The following BCAR3 variants were observed in gnomAD, a reference collection of about 807,000 sequenced individuals.
BCAR3 encodes the protein breast cancer anti-estrogen resistance protein 3.
Under a neutral mutation model 80.1 loss-of-function variants are expected in BCAR3, and 37 were observed. That is an observed-to-expected ratio of 0.46 (90% CI 0.36 to 0.61). The LOEUF (loss-of-function observed/expected upper bound fraction) is 0.61. Among genes scored for constraint, BCAR3 ranks in the 20% least tolerant of loss-of-function variants. BCAR3 has a pLI of 0.00. For missense variants in BCAR3, 978 were observed against 1,068.2 expected (o/e 0.92, Z 1.18); for synonymous variants, 389 against 418.9 (o/e 0.93, Z 0.87).
At chr1:93,620,330 C>T (rs575709570) in intron 3 of BCAR3, among the ~76,000 whole-genome samples, 1 of 152,248 alleles carries the variant, frequency 6.6e-6, no homozygotes, top group African/African-American at 2.4e-5. Context: ...GTTTTAATCA[C>T]ACTTGCCCAG....
chr1:93,833,779 C>T (rs989830714), intron 2 of BCAR3, among the ~76,000 whole-genome samples: 1 of 152,168 alleles, frequency 6.6e-6, no homozygotes, highest in African/African-American at 2.4e-5. Context: ...TGTTCAAACA[C>T]ACATGCTTTA....
intron 2 of BCAR3, among the ~76,000 whole-genome samples, chr1:93,656,179 GT>G (rs1647368649): frequency 6.6e-6 from 1 of 152,066 alleles, no homozygotes; most frequent in African/African-American, 2.4e-5. Context: ...TGGTGGTCTA[GT>G]TTTATTGCAA....
At chr1:93,723,282 T>C (rs1650469844) in intron 2 of BCAR3, 1 of 152,234 alleles carries the variant, frequency 6.6e-6, no homozygotes. Context: ...CCTGTTGGCA[T>C]GGAGGCAAAC....
At chr1:93,683,267 CA>C (rs1648863555), upstream of BCAR3, among the ~76,000 whole-genome samples, 1 of 152,124 alleles carries the variant, frequency 6.6e-6, no homozygotes, top group Non-Finnish European at 1.5e-5. Flanking sequence ...TTAACCATCC[CA>C]AAAATGCAAA....
At chr1:93,725,510 G>A (rs1244264475) in intron 2 of BCAR3, among the ~76,000 whole-genome samples, 1 of 152,008 alleles carries the variant, frequency 6.6e-6, no homozygotes, top group Admixed American at 6.6e-5. Context: ...TTTCTGATTT[G>A]TAGAAATCTT....
At chr1:93,766,610 C>T (rs1369722280) in intron 2 of BCAR3, among the ~76,000 whole-genome samples, 2 of 152,262 alleles carry the variant, frequency 1.3e-5, no homozygotes, top group Admixed American at 6.5e-5. Context: ...AGCCTGAGCA[C>T]GGCTGCCCGT....
intron 3 of BCAR3, among the ~76,000 whole-genome samples, chr1:93,691,100 T>A (rs1383780526): frequency 6.6e-6 from 1 of 152,146 alleles, no homozygotes; most frequent in East Asian, 1.9e-4. Flanking sequence ...GCCTCAGGGA[T>A]TGCCCAAGGC....
intron 2 of BCAR3, among the ~76,000 whole-genome samples, chr1:93,657,008 T>C (rs1284097328): frequency 1.3e-5 from 2 of 152,208 alleles, no homozygotes; most frequent in African/African-American, 4.8e-5. Flanking sequence ...ATAACCTGAG[T>C]AGCATTCTGT....
intron 2 of BCAR3, among the ~76,000 whole-genome samples, chr1:93,670,922 G>A (rs984446228): frequency 1.3e-5 from 2 of 152,112 alleles, no homozygotes; most frequent in African/African-American, 2.4e-5. Context: ...GGTCAAAGAG[G>A]AGACTTCCTC....
chr1:93,578,467 T>G (rs1242446829), intron 7 of BCAR3, among the ~76,000 whole-genome samples: 1 of 152,080 alleles, frequency 6.6e-6, no homozygotes, highest in East Asian at 1.9e-4. Context: ...ATGAATCTGC[T>G]GTAAACCAAC....
At chr1:93,571,392 T>A (rs1673208099) in intron 9 of BCAR3, 1 of 384,194 alleles carries the variant, frequency 2.6e-6, no homozygotes, top group Non-Finnish European at 4.9e-6. Flanking sequence ...CCCAGCTACT[T>A]GAGGCTGAGG....
intron 3 of BCAR3, among the ~76,000 whole-genome samples, chr1:93,695,344 C>T (rs754028111): frequency 6.6e-6 from 1 of 152,144 alleles, no homozygotes; most frequent in Non-Finnish European, 1.5e-5. Flanking sequence ...GAATTAGAGC[C>T]CATGAGGCCA....
chr1:93,603,764 A>C (rs1322424490), intron 3 of BCAR3, among the ~76,000 whole-genome samples: 1 of 152,178 alleles, frequency 6.6e-6, no homozygotes, highest in Non-Finnish European at 1.5e-5. Context: ...GCTAGATCTG[A>C]GGCAGCCGCA....
At position 93,707,068 on chromosome 1, in the gene BCAR3, G is replaced by A. The variant is rs1486276362; in HGVS notation, c.-62-926C>T. On this transcript the variant is annotated intron_variant, in intron 2 of 13. Transcript: ENST00000370244. ...CGGGCGCCTGTAATCCCAGCTTCTC[G>A]GGAGGCTGAGGAAGGAAAATTGCTT... Among the ~76,000 whole-genome samples, 7 of 151,716 alleles carry A rather than the reference G, an allele frequency of 4.6e-5. No homozygotes were observed. In the East Asian group the frequency reaches 7.8e-4, roughly 17 times the overall value.
At chr1:93,702,798 G>A (rs964846925) in intron 3 of BCAR3, among the ~76,000 whole-genome samples, 1 of 152,234 alleles carries the variant, frequency 6.6e-6, no homozygotes, top group African/African-American at 2.4e-5. Flanking sequence ...CCCACAGGAA[G>A]GAGACGACTT....
chr1:93,806,150 T>C lies in BCAR3; in HGVS notation c.-63+39417A>G, dbSNP rs528309968. ...TTAAAACAAAAGGAAGGAAGCATAGTGTTGAAGAGGAAAACTTTGCCTTCT... is the reference window on the plus strand; with the variant it reads ...TTAAAACAAAAGGAAGGAAGCATAGCGTTGAAGAGGAAAACTTTGCCTTCT... On this transcript the variant is annotated intron_variant, in intron 2 of 13. Coordinates refer to the BCAR3 transcript ENST00000370244. Among the ~76,000 whole-genome samples the C allele has an allele frequency of 2.6e-5, 4 of 152,254 alleles. No homozygotes were observed. The South Asian group carries it at 8.3e-4, about 32-fold the overall frequency.
At chr1:93,596,758 G>A (rs1316716394) in intron 3 of BCAR3, among the ~76,000 whole-genome samples, 1 of 152,102 alleles carries the variant, frequency 6.6e-6, no homozygotes, top group African/African-American at 2.4e-5. Context: ...TTCCTAGAAG[G>A]CATCTGATTC....
intron 3 of BCAR3, among the ~76,000 whole-genome samples, chr1:93,695,487 A>G (rs1649355876): frequency 6.6e-6 from 1 of 152,100 alleles, no homozygotes; most frequent in Middle Eastern, 3.4e-3. Context: ...GCTGCCATCC[A>G]TCCCATTCCC....
chr1:93,564,282 C>A (rs1462504162), intron 11 of BCAR3, among the ~76,000 whole-genome samples: 1 of 120,150 alleles, frequency 8.3e-6, no homozygotes, highest in Non-Finnish European at 1.7e-5. Context: ...CTAAGAATTT[C>A]TTTCTTTCTT....
Sources: gnomAD v4.1 joint callset for allele counts (sites outside exome capture counted in the v4.1 genomes callset) on GRCh38, gnomAD v4.1.1 for gene constraint, MANE v1.5 for transcripts, NCBI Gene and HGNC (gene_info 2026-07-23, HGNC 2026-07-21) for gene names.